RIMS2: variants seen among roughly 807,000 people sequenced by gnomAD.
RIMS2 encodes the protein regulating synaptic membrane exocytosis protein 2.
Under a neutral mutation model 174.4 loss-of-function variants are expected in RIMS2, and 59 were observed. That is an observed-to-expected ratio of 0.34 (90% CI 0.27 to 0.42). The LOEUF (loss-of-function observed/expected upper bound fraction) is 0.42. Among genes scored for constraint, RIMS2 ranks in the 10% least tolerant of loss-of-function variants. RIMS2 has a pLI of 1.00. For synonymous variants in RIMS2, 606 were observed against 572.5 expected (o/e 1.06, Z -0.84); for missense variants, 1,620 against 1,666.3 (o/e 0.97, Z 0.48).
At chr8:103,846,617 C>T (rs1352902315) in intron 3 of RIMS2, among the ~76,000 whole-genome samples, 1 of 152,056 alleles carries the variant, frequency 6.6e-6, no homozygotes, top group Non-Finnish European at 1.5e-5. Context: ...GTGCACTATC[C>T]AGATAAAGGA....
chr8:103,884,936 A>G (rs1035519241), intron 3 of RIMS2, among the ~76,000 whole-genome samples: 19 of 151,992 alleles, frequency 1.3e-4, no homozygotes, highest in African/African-American at 4.6e-4. Context: ...GAGAAGATGG[A>G]GGAAATATTT....
At chr8:104,242,454 G>A (rs2441801) in intron 19 of RIMS2, among the ~76,000 whole-genome samples, 52,451 of 151,850 alleles carry the variant, frequency 0.35, 9,515 homozygotes, top group African/African-American at 0.47. Flanking sequence ...TTGCATATAG[G>A]GTTTCTTGTT....
In RIMS2 at chr8:103,697,063, TTTC is replaced by T; in HGVS notation, c.177-20_177-18del. ...AGAGATCATCAGGAAACCAACTTTT[TTTC>T]TTATCTATTTTCTCTGCAGAAAACT... On this transcript the variant is annotated intron_variant, in intron 1 of 23. Coordinates refer to ENST00000504942, the Ensembl canonical transcript of RIMS2. 1 of 1,575,600 alleles carries T rather than the reference TTTC, an allele frequency of 6.3e-7. No homozygotes were observed.
At chr8:104,102,110 C>T (rs2097914133) in intron 19 of RIMS2, among the ~76,000 whole-genome samples, 1 of 152,156 alleles carries the variant, frequency 6.6e-6, no homozygotes, top group African/African-American at 2.4e-5. Flanking sequence ...TCTATACTTC[C>T]AGCCCAGATC....
chr8:103,914,575 A>G (rs1162355973), intron 6 of RIMS2, among the ~76,000 whole-genome samples: 1 of 152,204 alleles, frequency 6.6e-6, no homozygotes, highest in Non-Finnish European at 1.5e-5. Context: ...CTATACATAT[A>G]ATTTTCAGAA....
intron 3 of RIMS2, among the ~76,000 whole-genome samples, chr8:103,804,766 C>G (rs1170031459): frequency 6.6e-6 from 1 of 151,638 alleles, no homozygotes. Context: ...AGTTTTTAAA[C>G]TGTAGTTTTT....
intron 1 of RIMS2, among the ~76,000 whole-genome samples, chr8:103,593,425 T>C (rs1299021027): frequency 6.6e-6 from 1 of 151,584 alleles, no homozygotes; most frequent in Non-Finnish European, 1.5e-5. Context: ...TTCATTGATA[T>C]GGTTTTGGTT....
chr8:103,934,056 C>CT (rs1358391586), intron 12 of RIMS2, among the ~76,000 whole-genome samples: 7 of 151,912 alleles, frequency 4.6e-5, no homozygotes, highest in Admixed American at 1.3e-4. Context: ...GTTTTATACT[C>CT]TTTTTTTGTA....
chr8:104,181,175 G>T (rs1243345468), intron 19 of RIMS2, among the ~76,000 whole-genome samples: 1 of 151,600 alleles, frequency 6.6e-6, no homozygotes, highest in East Asian at 1.9e-4. Flanking sequence ...AATAGAATAG[G>T]TGACTTTTTC....
At chr8:104,087,149 T>G (rs1337849569) in intron 19 of RIMS2, among the ~76,000 whole-genome samples, 1 of 152,166 alleles carries the variant, frequency 6.6e-6, no homozygotes, top group African/African-American at 2.4e-5. Context: ...GTACACTGAT[T>G]TGATACTTCA....
At chr8:104,086,012 C>CAA (rs1330642011) in intron 19 of RIMS2, among the ~76,000 whole-genome samples, 2 of 151,904 alleles carry the variant, frequency 1.3e-5, no homozygotes, top group African/African-American at 4.8e-5. Context: ...ATTATATGAT[C>CAA]CTGGGGTAAT....
chr8:103,576,442 C>A (rs2093244105), intron 1 of RIMS2, among the ~76,000 whole-genome samples: 1 of 152,082 alleles, frequency 6.6e-6, no homozygotes. Flanking sequence ...TTCAAAAAAA[C>A]AAGAGCAAAG....
chr8:104,178,721 A>T (rs1011746980), intron 19 of RIMS2, among the ~76,000 whole-genome samples: 1 of 152,078 alleles, frequency 6.6e-6, no homozygotes, highest in South Asian at 2.1e-4. Flanking sequence ...TGCTGTTGAT[A>T]CTACATGCTT....
chr8:104,170,194 T>A (rs1290703758), intron 19 of RIMS2, among the ~76,000 whole-genome samples: 1 of 152,018 alleles, frequency 6.6e-6, no homozygotes, highest in East Asian at 1.9e-4. Context: ...GTTCTATGGT[T>A]TAGTTTAAGT....
At chr8:103,985,662 G>T (rs2094306733) in intron 16 of RIMS2, among the ~76,000 whole-genome samples, 1 of 151,726 alleles carries the variant, frequency 6.6e-6, no homozygotes, top group Admixed American at 6.6e-5. Context: ...AATTAAAAAA[G>T]ATATCTGCAC....
intron 19 of RIMS2, among the ~76,000 whole-genome samples, chr8:104,157,362 A>G (rs1305106960): frequency 1.3e-5 from 2 of 152,208 alleles, no homozygotes; most frequent in Non-Finnish European, 2.9e-5. Context: ...TCTAAAAAAC[A>G]TATTTTTAAA....
intron 3 of RIMS2, among the ~76,000 whole-genome samples, chr8:103,781,893 G>C (rs1490791396): frequency 6.6e-6 from 1 of 151,678 alleles, no homozygotes; most frequent in Non-Finnish European, 1.5e-5. Context: ...GATTACAGGT[G>C]TGTACCACCA....
rs1043092382 is a variant in RIMS2 at position 103,715,898 on chromosome 8, T to C, written c.387+18602T>C. Reference sequence around the variant, plus strand: ...ATGATGAAATTAAACATTGATGCTATGTTTTTTATTGTCTTTGTATATAAA... The same window carrying C: ...ATGATGAAATTAAACATTGATGCTACGTTTTTTATTGTCTTTGTATATAAA... On this transcript the variant is annotated intron_variant, in intron 2 of 23. Transcript: ENST00000504942. 4.6e-5 allele frequency among the ~76,000 whole-genome samples: 7 copies of C among 152,180 alleles called. No individual in the cohort carries two copies. The East Asian group carries it at 5.8e-4, about 13-fold the overall frequency.
chr8:104,109,296 C>CAAAA (rs1170353786), intron 19 of RIMS2, among the ~76,000 whole-genome samples: 25 of 50,144 alleles, frequency 5.0e-4, no homozygotes, highest in South Asian at 1.3e-3. Context: ...GACTCTGTCT[C>CAAAA]AAAAAAAAAA....
Sources: gnomAD v4.1 joint callset for allele counts (sites outside exome capture counted in the v4.1 genomes callset) on GRCh38, gnomAD v4.1.1 for gene constraint, MANE v1.5 for transcripts, NCBI Gene and HGNC (gene_info 2026-07-23, HGNC 2026-07-21) for gene names.